The following NALF1 variants were observed in gnomAD, a reference collection of about 807,000 sequenced individuals.
NALF1 encodes the protein family with sequence similarity 155 member A.
Under a neutral mutation model 48.4 loss-of-function variants are expected in NALF1, and 3 were observed. That is an observed-to-expected ratio of 0.06 (90% CI 0.03 to 0.16). NALF1 has a LOEUF of 0.16. Among genes scored for constraint, NALF1 ranks in the 10% least tolerant of loss-of-function variants. The probability of loss-of-function intolerance (pLI) is 1.00; values close to 1 mark genes in which losing one functional copy is unlikely to be tolerated. For missense variants in NALF1, 526 were observed against 571.5 expected (o/e 0.92, Z 0.81); for synonymous variants, 262 against 245.7 (o/e 1.07, Z -0.62).
intron 1 of NALF1, among the ~76,000 whole-genome samples, chr13:107,811,251 A>G (rs16971181): frequency 0.056 from 8,559 of 152,194 alleles, 629 homozygotes; most frequent in East Asian, 0.39. Context: ...ACAATTTCAT[A>G]CTTGTTTTTA....
chr13:107,215,403 C>A (rs1041062), intron 1 of NALF1, among the ~76,000 whole-genome samples: 49,431 of 151,938 alleles, frequency 0.33, 9,352 homozygotes, highest in Non-Finnish European at 0.43. Flanking sequence ...CTTGGTCACA[C>A]AGGCCTGTTT....
intron 1 of NALF1, among the ~76,000 whole-genome samples, chr13:107,530,243 C>A (rs974520214): frequency 6.6e-5 from 10 of 152,122 alleles, no homozygotes; most frequent in Non-Finnish European, 1.2e-4. Flanking sequence ...AAAGACAAAA[C>A]CTCCATCCTA....
At chr13:107,240,394 A>T (rs994141146) in intron 1 of NALF1, among the ~76,000 whole-genome samples, 1 of 152,250 alleles carries the variant, frequency 6.6e-6, no homozygotes, top group Admixed American at 6.5e-5. Flanking sequence ...ACACTATAAC[A>T]GCAAGTTCAC....
intron 1 of NALF1, among the ~76,000 whole-genome samples, chr13:107,832,773 A>G (rs960642399): frequency 1.3e-4 from 20 of 152,164 alleles, no homozygotes; most frequent in Admixed American, 7.9e-4. Context: ...GCTAATTACA[A>G]GAATCTCCTA....
At chr13:107,442,015 T>C (rs527463419) in intron 1 of NALF1, among the ~76,000 whole-genome samples, 1 of 152,308 alleles carries the variant, frequency 6.6e-6, no homozygotes, top group Admixed American at 6.5e-5. Flanking sequence ...GACCAACATA[T>C]ATTTTTAAGA....
intron 2 of NALF1, among the ~76,000 whole-genome samples, chr13:107,191,017 T>G (rs1345377502): frequency 6.6e-6 from 1 of 152,220 alleles, no homozygotes. Context: ...TAGTTCAGAT[T>G]CTGGCATGTC....
intron 1 of NALF1, among the ~76,000 whole-genome samples, chr13:107,429,424 T>G (rs1231093306): frequency 6.6e-6 from 1 of 151,142 alleles, no homozygotes; most frequent in African/African-American, 2.4e-5. Context: ...AAAGCACCAA[T>G]CGCTAAAATA....
chr13:107,281,571 G>C (rs913912014), intron 1 of NALF1, among the ~76,000 whole-genome samples: 1 of 152,218 alleles, frequency 6.6e-6, no homozygotes, highest in Non-Finnish European at 1.5e-5. Context: ...AGACACTTGA[G>C]AAGGGATGAG....
chr13:107,679,982 T>A (rs747171809), intron 1 of NALF1, among the ~76,000 whole-genome samples: 9 of 152,136 alleles, frequency 5.9e-5, no homozygotes, highest in Non-Finnish European at 1.3e-4. Context: ...CATGCTTCCC[T>A]CCCTCGACAT....
chr13:107,664,263 G>T (rs530827127), intron 1 of NALF1, among the ~76,000 whole-genome samples: 3 of 152,026 alleles, frequency 2.0e-5, no homozygotes, highest in Non-Finnish European at 2.9e-5. Context: ...CTTATCTACT[G>T]TGTTGGTTCT....
At chr13:107,842,194 A>AT (rs1476938624) in intron 1 of NALF1, among the ~76,000 whole-genome samples, 1 of 152,034 alleles carries the variant, frequency 6.6e-6, no homozygotes, top group African/African-American at 2.4e-5. Context: ...CAAAATCCAT[A>AT]TACTCACAGA....
At chr13:107,750,231 C>A (rs1167679163) in intron 1 of NALF1, among the ~76,000 whole-genome samples, 2 of 152,140 alleles carry the variant, frequency 1.3e-5, no homozygotes, top group African/African-American at 4.8e-5. Context: ...GTGTCCCCTG[C>A]ACCTCTGGAG....
At chr13:107,176,731 C>T (rs893526434) in intron 2 of NALF1, among the ~76,000 whole-genome samples, 2 of 151,956 alleles carry the variant, frequency 1.3e-5, no homozygotes, top group Non-Finnish European at 2.9e-5. Flanking sequence ...ATTAATTACT[C>T]ATGTTGTAAG....
intron 1 of NALF1, among the ~76,000 whole-genome samples, chr13:107,657,828 T>G (rs1028806234): frequency 6.6e-6 from 1 of 152,166 alleles, no homozygotes; most frequent in East Asian, 1.9e-4. Context: ...GCTCACCCAT[T>G]TACATTTTCC....
At chr13:107,427,219 T>C (rs988723715) in intron 1 of NALF1, among the ~76,000 whole-genome samples, 12 of 151,658 alleles carry the variant, frequency 7.9e-5, no homozygotes, top group African/African-American at 2.9e-4. Flanking sequence ...ATTAAGTAAT[T>C]TTTAAATTCC....
chr13:107,818,822 A>C (rs1879261400), intron 1 of NALF1, among the ~76,000 whole-genome samples: 1 of 130,918 alleles, frequency 7.6e-6, no homozygotes, highest in Non-Finnish European at 1.5e-5. Flanking sequence ...CAGTGAGCCG[A>C]GATCGCGCCA....
Position 107,537,971 on chromosome 13 carries a change from C to T in NALF1, c.916-327216G>A, listed in dbSNP as rs73591155. Among the ~76,000 whole-genome samples the T allele has an allele frequency of 4.3e-3, 649 of 152,156 alleles. 1 individual carries two copies. The highest frequency in any genetic ancestry group is 0.014 in the African/African-American group (602 of 41,526). ...GGTGGAGGTTGCAGTGAGCCAACAT[C>T]GAGTCACTGCACTCCAGCCTGGGCA... On this transcript the variant is annotated intron_variant, in intron 1 of 2. Coordinates refer to ENST00000375915, the MANE Select transcript of NALF1 (RefSeq NM_001080396.3).
At chr13:107,380,479 G>A (rs1156314320) in intron 1 of NALF1, among the ~76,000 whole-genome samples, 1 of 152,096 alleles carries the variant, frequency 6.6e-6, no homozygotes, top group East Asian at 1.9e-4. Flanking sequence ...AGTCACCCGA[G>A]TACTAAGTCA....
intron 1 of NALF1, among the ~76,000 whole-genome samples, chr13:107,817,487 A>G (rs1879202084): frequency 6.6e-6 from 1 of 152,172 alleles, no homozygotes. Flanking sequence ...TCTTTAAATC[A>G]TTCACTCTAG....
Sources: allele counts gnomAD v4.1 joint callset (sites outside exome capture counted in the v4.1 genomes callset), GRCh38; gene constraint gnomAD v4.1.1; transcripts MANE v1.5; gene names NCBI Gene and HGNC (gene_info 2026-07-23, HGNC 2026-07-21).